The following ZNF738 variants were observed in gnomAD, a reference collection of about 807,000 sequenced individuals.
ZNF738 encodes zinc finger protein 738.
ZNF738 carries 10 observed loss-of-function variants against 9.2 expected under a neutral mutation model. The ratio of observed to expected loss-of-function variants is 1.09; its 90% CI spans 0.67 to 1.85. ZNF738 has a LOEUF of 1.85. Ranked by LOEUF, ZNF738 falls within the 40% of genes most tolerant of loss-of-function variation. ZNF738 has a pLI of 0.00. For missense variants in ZNF738, 346 were observed against 283.6 expected (o/e 1.22, Z -1.58); for synonymous variants, 113 against 94.5 (o/e 1.20, Z -1.14).
intron 2 of ZNF738, among the ~76,000 whole-genome samples, chr19:21,364,231 A>ACAG (rs1006058551): frequency 1.3e-5 from 2 of 150,868 alleles, no homozygotes; most frequent in Admixed American, 6.6e-5. Flanking sequence ...GAGCATTGCA[A>ACAG]CAGGAGGAAT....
chr19:21,377,302 A>G, intron 4 of ZNF738: 1 of 548,726 alleles, frequency 1.8e-6, no homozygotes, highest in Non-Finnish European at 3.2e-6. Context: ...AGCAAACTCC[A>G]TCTAAAAAAA....
chr19:21,364,196 CAA>C (rs60889988), intron 2 of ZNF738, among the ~76,000 whole-genome samples: 3 of 89,952 alleles, frequency 3.3e-5, no homozygotes, highest in South Asian at 8.6e-4. Flanking sequence ...GAATCCGTCT[CAA>C]AAAAAAAAAA....
chr19:21,383,560 T>A lies in ZNF738; in HGVS notation c.1014T>A (p.His338Gln). ...FSYLTKHKII[H>Q]TGEKPYKCEE... ...ACCTTACTAAACATAAGATAATTCA[T>A]ACTGGAGAGAAACCCTACAAATGTG... Residue 338 changes from histidine to glutamine, a missense_variant, in exon 5 of 5, where the codon CAT becomes CAA. Coordinates refer to ENST00000683779, the MANE Select transcript of ZNF738 (RefSeq NM_001355237.2). 9.8e-7 allele frequency: 1 copy of A among 1,018,982 alleles called. No individual in the cohort carries two copies. The allele number at this position is 1,018,982 out of a possible 1,614,324, so 63.1% of individuals were successfully genotyped here.
chr19:21,381,494 T>C lies in ZNF738; in HGVS notation c.320-1372T>C, dbSNP rs936406398. On this transcript the variant is annotated intron_variant, in intron 4 of 4. Coordinates refer to ENST00000683779, the MANE Select transcript of ZNF738 (RefSeq NM_001355237.2). Reference sequence around the variant, plus strand: ...ACCTACAAGCTCAGGCTTACCTTTTTCTTTTTCTTTTTTTTTCGAGATGGA... The same window carrying C: ...ACCTACAAGCTCAGGCTTACCTTTTCCTTTTTCTTTTTTTTTCGAGATGGA... 2.9e-5 allele frequency: 31 copies of C among 1,055,428 alleles called. No individual in the cohort carries two copies. The African/African-American group carries it at 4.0e-4, about 14-fold the overall frequency. 65.4% of individuals were successfully genotyped at this position (1,055,428 alleles called of 1,614,324 possible).
In ZNF738 at chr19:21,383,763, G is replaced by A; in HGVS notation, c.*89G>A. On this transcript the variant is annotated 3_prime_UTR_variant, in exon 5 of 5. Transcript: ENST00000683779. ...AAACCCTACAAATGTGAGGAATGTG[G>A]CAAAGCTTTTAAACAGTCCTCAAAC... 5.3e-6 allele frequency: 6 copies of A among 1,137,638 alleles called. No individual in the cohort carries two copies. In the South Asian group the frequency reaches 7.3e-5, roughly 14 times the overall value. The allele number at this position is 1,137,638 out of a possible 1,614,324, so 70.5% of individuals were successfully genotyped here.
Position 21,383,335 on chromosome 19 carries a change from A to G in ZNF738, c.789A>G (p.Glu263=). Residue 263 remains glutamate (E), a synonymous_variant, in exon 5 of 5, where the codon GAA becomes GAG. Transcript: ENST00000683779. ...CTGGAGACAAATCCTACAAACATGA[A>G]GAATGTGGAAAAGGTTTTAACCACT... The part of the protein sequence containing the change: ...IHTGDKSYKH[E]ECGKGFNHST... 1 of 1,375,306 alleles carries G rather than the reference A, an allele frequency of 7.3e-7. No individual in the cohort carries two copies. 85.2% of individuals were successfully genotyped at this position (1,375,306 alleles called of 1,614,324 possible).
rs1974068470 is a variant in ZNF738, at chr19:21,386,465, C to G, written c.*2791C>G. 1 of 320,616 alleles carries G rather than the reference C, an allele frequency of 3.1e-6. No individual in the cohort carries two copies. The highest frequency in any genetic ancestry group is 3.9e-5 in the Admixed American group (1 of 25,970). 19.9% of individuals were successfully genotyped at this position (320,616 alleles called of 1,614,324 possible). ...GCCGTTATCCAGTCCTCAACTCCCA[C>G]TAAACATAACATAATTCATACTGGA... On this transcript the variant is annotated 3_prime_UTR_variant, in exon 5 of 5. Transcript: ENST00000683779.
Position 21,375,239 on chromosome 19 carries a change from G to A in ZNF738, c.98G>A (p.Gly33Glu), listed in dbSNP as rs764618788. ...TGTGTGTGTGTGTGTGTTTTTCAGG[G>A]GCCGTTGACATTTAGGGATGTGGTC... is the stretch of plus-strand genomic sequence containing the variant. ...NLLEYSYFEK[G>E]PLTFRDVVIE... is the part of the protein sequence containing the mutation. The change falls in exon 3 of 5, where the codon GGG (glycine) becomes GAG (glutamate). Residue 33 changes from glycine (G) to glutamate (E), a missense_variant and splice_region_variant. Transcript: ENST00000683779. 9.2e-7 allele frequency: 1 copy of A among 1,089,634 alleles called. No homozygotes were observed. Among genetic ancestry groups the A allele is most frequent in the South Asian group, 1.3e-5 (1 of 76,604 alleles). The allele number at this position is 1,089,634 out of a possible 1,614,324, so 67.5% of individuals were successfully genotyped here.
intron 2 of ZNF738, among the ~76,000 whole-genome samples, chr19:21,374,484 T>C (rs535971395): frequency 9.8e-5 from 15 of 152,368 alleles, no homozygotes; most frequent in African/African-American, 3.6e-4. Flanking sequence ...GTGCAGTTGA[T>C]TTTAAAATTT....
chr19:21,378,606 C>CTTTTTTTTTT, intron 4 of ZNF738: 1 of 263,380 alleles, frequency 3.8e-6, no homozygotes. Context: ...AATAATATCA[C>CTTTTTTTTTT]TTTTTTTTTT....
intron 2 of ZNF738, among the ~76,000 whole-genome samples, chr19:21,370,144 G>C (rs2928220): frequency 1.3e-5 from 2 of 152,140 alleles, no homozygotes; most frequent in African/African-American, 4.8e-5. Context: ...CTATTGAAAT[G>C]ACTTTGTGGT....
chr19:21,379,515 G>A (rs917010801), intron 4 of ZNF738, among the ~76,000 whole-genome samples: 2 of 151,992 alleles, frequency 1.3e-5, no homozygotes, highest in African/African-American at 2.4e-5. Flanking sequence ...TCTTTCTGTG[G>A]TCCTGCAGTC....
chr19:21,369,097 AT>A (rs2145225692), intron 2 of ZNF738, among the ~76,000 whole-genome samples: 1 of 151,914 alleles, frequency 6.6e-6, no homozygotes, highest in African/African-American at 2.4e-5. Context: ...TTTTATTTTG[AT>A]TAAATCTTTA....
chr19:21,378,157 TTATATTTTTATATG>T (rs1973957808), intron 4 of ZNF738: 1 of 382,510 alleles, frequency 2.6e-6, no homozygotes, highest in African/African-American at 2.1e-5. Flanking sequence ...ATGTTGCTAA[TTATATTTTTATATG>T]TATATTTATT....
chr19:21,385,884 G>A lies in ZNF738; in HGVS notation c.*2210G>A, dbSNP rs1293077508. On this transcript the variant is annotated 3_prime_UTR_variant, in exon 5 of 5. Coordinates refer to ENST00000683779, the MANE Select transcript of ZNF738 (RefSeq NM_001355237.2). ...AAGAATGTGGCAAAGGCTTTAATTT[G>A]TCCTCAACACTTACTAAACAGAATT... Among the ~76,000 whole-genome samples, 2 of 151,624 alleles carry A rather than the reference G, an allele frequency of 1.3e-5. No individual in the cohort carries two copies. Among genetic ancestry groups the A allele is most frequent in the Non-Finnish European group, 2.9e-5 (2 of 67,930 alleles).
At chr19:21,369,651 C>G (rs1447032807) in intron 2 of ZNF738, among the ~76,000 whole-genome samples, 1 of 152,062 alleles carries the variant, frequency 6.6e-6, no homozygotes, top group African/African-American at 2.4e-5. Context: ...TTTCATATTC[C>G]TGTCAGGTTT....
In ZNF738 at chr19:21,375,369, G is replaced by A; in HGVS notation, c.223+5G>A. 1 of 799,744 alleles carries A rather than the reference G, an allele frequency of 1.3e-6. No individual in the cohort carries two copies. Among genetic ancestry groups the A allele is most frequent in the Non-Finnish European group, 2.2e-6 (1 of 460,720 alleles). The allele number at this position is 799,744 out of a possible 1,614,324, so 49.5% of individuals were successfully genotyped here. On this transcript the variant is annotated splice_donor_5th_base_variant and intron_variant, in intron 3 of 4. Coordinates refer to ENST00000683779, the MANE Select transcript of ZNF738 (RefSeq NM_001355237.2). ...TCAGAAACCTGGTGTTCTTGGGTGAGAATAACTTTAATACACAATTCCTTA... is the reference window on the plus strand; with the variant it reads ...TCAGAAACCTGGTGTTCTTGGGTGAAAATAACTTTAATACACAATTCCTTA...
At chr19:21,379,885 A>AT (rs1334086452) in intron 4 of ZNF738, among the ~76,000 whole-genome samples, 6 of 152,220 alleles carry the variant, frequency 3.9e-5, no homozygotes, top group African/African-American at 1.2e-4. Flanking sequence ...TAAAAGAAAC[A>AT]TAAAGGAACT....
chr19:21,382,272 T>G (rs888339047), intron 4 of ZNF738, among the ~76,000 whole-genome samples: 2 of 151,106 alleles, frequency 1.3e-5, no homozygotes, highest in Non-Finnish European at 3.0e-5. Flanking sequence ...GATGGACTCT[T>G]GCACTGTCAC....
Sources: gnomAD v4.1 joint callset for allele counts (sites outside exome capture counted in the v4.1 genomes callset) on GRCh38, gnomAD v4.1.1 for gene constraint, MANE v1.5 for transcripts, NCBI Gene and HGNC (gene_info 2026-07-23, HGNC 2026-07-21) for gene names.